Variants in PPP3R1 observed in about 807,000 individuals in gnomAD.
The protein encoded by PPP3R1 is protein phosphatase 3 regulatory subunit B, alpha, also known as calcineurin subunit B type 1.
A neutral mutation model predicts 22.6 loss-of-function variants in PPP3R1; 5 were observed. The ratio of observed to expected loss-of-function variants is 0.22; its 90% CI spans 0.12 to 0.46. The LOEUF (loss-of-function observed/expected upper bound fraction) is 0.46. PPP3R1 is among the 20% of genes least tolerant of loss of function. PPP3R1 has a pLI of 0.99. For synonymous variants in PPP3R1, 56 were observed against 65.2 expected (o/e 0.86, Z 0.68); for missense variants, 61 against 203.2 (o/e 0.30, Z 4.25).
At position 68,227,425 on chromosome 2, in the gene PPP3R1, C is replaced by A. The variant is rs147170775; in HGVS notation, c.4-10294G>T. ...GTAAAGTCACTGACCATCTTAGTAA[C>A]TGTTCTAGAACAGATTCTCCTTATT... is the stretch of plus-strand genomic sequence containing the variant. On this transcript the variant is annotated intron_variant, in intron 1 of 5. Coordinates refer to ENST00000234310, the MANE Select transcript of PPP3R1 (RefSeq NM_000945.4). Among the ~76,000 whole-genome samples, 8 of 152,030 alleles carry A rather than the reference C, an allele frequency of 5.3e-5. No individual in the cohort carries two copies. In the East Asian group the frequency reaches 1.6e-3, roughly 30 times the overall value.
In PPP3R1 at chr2:68,227,582, A is replaced by G. The variant is rs918649988; in HGVS notation, c.4-10451T>C. On this transcript the variant is annotated intron_variant, in intron 1 of 5. Transcript: ENST00000234310. ...GCTTCTTTAATGATTTTAGGAGGGA[A>G]AAAAAAAAAACCTTAAAATTTCTAG... 4.3e-4 allele frequency among the ~76,000 whole-genome samples: 61 copies of G among 142,098 alleles called. 1 individual carries two copies. The highest frequency in any genetic ancestry group is 1.7e-3 in the African/African-American group (57 of 33,698). 93.2% of individuals were successfully genotyped at this position (142,098 alleles called of 152,430 possible).
chr2:68,250,093 T>C (rs1317815059), intron 1 of PPP3R1, among the ~76,000 whole-genome samples: 2 of 151,836 alleles, frequency 1.3e-5, no homozygotes, highest in Admixed American at 6.6e-5. Context: ...AACCCTAAAG[T>C]TGGAAAGCCA....
At chr2:68,249,232 G>A (rs1200629986) in intron 1 of PPP3R1, among the ~76,000 whole-genome samples, 2 of 151,796 alleles carry the variant, frequency 1.3e-5, no homozygotes, top group African/African-American at 4.8e-5. Context: ...ATTCACTATG[G>A]GACAAAATGA....
At chr2:68,214,390 C>G (rs1669537593) in intron 2 of PPP3R1, among the ~76,000 whole-genome samples, 1 of 152,030 alleles carries the variant, frequency 6.6e-6, no homozygotes, top group Non-Finnish European at 1.5e-5. Flanking sequence ...ACGCATCTAT[C>G]AAAGGTCTAA....
At position 68,179,009 on chromosome 2, in the gene PPP3R1, A is replaced by AGAAAG. The variant is rs1553403007; in HGVS notation, c.*1953_*1954insCTTTC. ...CACACACAAACTAAAAAAAAAAAAA[A>AGAAAG]AAAAAAAGAAAAAGAAAAAACCCTC... On this transcript the variant is annotated 3_prime_UTR_variant, in exon 6 of 6. Coordinates refer to ENST00000234310, the MANE Select transcript of PPP3R1 (RefSeq NM_000945.4). 23 of 122,576 alleles carry AGAAAG rather than the reference A, an allele frequency of 1.9e-4. No homozygotes were observed. The highest frequency in any genetic ancestry group is 1.5e-4 in the Non-Finnish European group (9 of 61,322). The allele number at this position is 122,576 out of a possible 1,614,324, so 7.6% of individuals were successfully genotyped here.
intron 2 of PPP3R1, among the ~76,000 whole-genome samples, chr2:68,207,341 T>TA (rs1675150845): frequency 6.6e-6 from 1 of 152,126 alleles, no homozygotes. Flanking sequence ...TATAGATCTT[T>TA]AGTGACAAGG....
intron 2 of PPP3R1, among the ~76,000 whole-genome samples, chr2:68,214,395 G>C (rs961538701): frequency 6.6e-6 from 1 of 151,990 alleles, no homozygotes; most frequent in Admixed American, 6.6e-5. Flanking sequence ...TCTATCAAAG[G>C]TCTAACATCC....
chr2:68,188,461 G>A (rs1015865316), intron 3 of PPP3R1, 53 bp downstream of exon 3: 142 of 1,323,024 alleles, frequency 1.1e-4, no homozygotes, highest in Middle Eastern at 6.4e-4. Flanking sequence ...AGAGCTGTAA[G>A]AATACAAATA....
At position 68,180,311 on chromosome 2, in the gene PPP3R1, T is replaced by C. The variant is rs567658950; in HGVS notation, c.*652A>G. 6 of 152,682 alleles carry C rather than the reference T, an allele frequency of 3.9e-5. No individual in the cohort carries two copies. Among genetic ancestry groups the C allele is most frequent in the African/African-American group, 1.4e-4 (6 of 41,588 alleles). 9.5% of individuals were successfully genotyped at this position (152,682 alleles called of 1,614,324 possible). A position where few individuals can be genotyped will look rare whatever the true frequency, so the allele number is the denominator to read the frequency against. ...TTAAAAGCTGCTCAGCAATGAGAAGTAGTCCCTGGATATATTCATAAGTAT... is the reference window on the plus strand; with the variant it reads ...TTAAAAGCTGCTCAGCAATGAGAAGCAGTCCCTGGATATATTCATAAGTAT... On this transcript the variant is annotated 3_prime_UTR_variant, in exon 6 of 6. Coordinates refer to ENST00000234310, the MANE Select transcript of PPP3R1 (RefSeq NM_000945.4).
Position 68,252,444 on chromosome 2 carries a change from G to A in PPP3R1, c.-317C>T, listed in dbSNP as rs4519508. 0.4 allele frequency: 392,632 copies of A among 989,626 alleles called. 78,843 individuals are homozygous for A. The highest frequency in any genetic ancestry group is 0.63 in the South Asian group (13,344 of 21,348). The allele number at this position is 989,626 out of a possible 1,614,324, so 61.3% of individuals were successfully genotyped here. On this transcript the variant is annotated 5_prime_UTR_variant, in exon 1 of 6. Transcript: ENST00000234310. The stretch of plus-strand genomic sequence containing the variant: ...GGGGGAGAGGGGGCGAAGACGGCCG[G>A]GAAACTCGGGGGCTGCAGCCTCGCG...
chr2:68,237,916 ATT>A (rs927441977), intron 1 of PPP3R1, among the ~76,000 whole-genome samples: 28 of 152,332 alleles, frequency 1.8e-4, no homozygotes, highest in African/African-American at 6.7e-4. Flanking sequence ...CTGTTCATAA[ATT>A]TTGAGTTTCC....
chr2:68,205,178 C>T (rs1010484656), intron 2 of PPP3R1, among the ~76,000 whole-genome samples: 1 of 151,892 alleles, frequency 6.6e-6, no homozygotes, highest in African/African-American at 2.4e-5. Flanking sequence ...TTATCTATAT[C>T]CCACCCCAGT....
At chr2:68,183,426 C>T (rs1674463379) in intron 5 of PPP3R1, among the ~76,000 whole-genome samples, 1 of 152,146 alleles carries the variant, frequency 6.6e-6, no homozygotes, top group African/African-American at 2.4e-5. Flanking sequence ...ACAGTGTGCC[C>T]AGGTCCAGAT....
Position 68,240,268 on chromosome 2 carries a change from C to T in PPP3R1, c.3+11857G>A, listed in dbSNP as rs188158378. 1.7e-4 allele frequency among the ~76,000 whole-genome samples: 26 copies of T among 152,312 alleles called. No homozygotes were observed. The East Asian group carries it at 2.3e-3, about 14-fold the overall frequency. ...ACCAATTAAGCTCTGTACCTCACTTCTGTCTTATACTTCACTTCTATTTTC... is the reference window on the plus strand; with the variant it reads ...ACCAATTAAGCTCTGTACCTCACTTTTGTCTTATACTTCACTTCTATTTTC... On this transcript the variant is annotated intron_variant, in intron 1 of 5. Coordinates refer to ENST00000234310, the MANE Select transcript of PPP3R1 (RefSeq NM_000945.4).
intron 2 of PPP3R1, among the ~76,000 whole-genome samples, chr2:68,208,109 C>T (rs1028498490): frequency 9.9e-5 from 15 of 152,054 alleles, no homozygotes; most frequent in African/African-American, 3.1e-4. Flanking sequence ...GCCGAGACCA[C>T]GCCATTGCAC....
chr2:68,187,230 G>C (rs1267642456), intron 4 of PPP3R1, 25 bp downstream of exon 4: 4 of 1,553,898 alleles, frequency 2.6e-6, no homozygotes, highest in Non-Finnish European at 2.7e-6. Flanking sequence ...ATAAGAGAAT[G>C]AAGTCAGTGA....
chr2:68,182,960 T>C (rs942769601), intron 5 of PPP3R1, among the ~76,000 whole-genome samples: 7 of 152,292 alleles, frequency 4.6e-5, no homozygotes, highest in Admixed American at 4.6e-4. Context: ...AAGCACTCTT[T>C]GAGCCTTCCA....
intron 2 of PPP3R1, among the ~76,000 whole-genome samples, chr2:68,215,626 G>GT (rs1669565000): frequency 6.6e-6 from 1 of 152,172 alleles, no homozygotes; most frequent in Non-Finnish European, 1.5e-5. Context: ...ATATGTACCT[G>GT]TGAGTTTTAC....
chr2:68,193,056 TAGA>T (rs972918951), intron 2 of PPP3R1, among the ~76,000 whole-genome samples: 1 of 152,182 alleles, frequency 6.6e-6, no homozygotes, highest in Non-Finnish European at 1.5e-5. Flanking sequence ...CAAAGGCCCT[TAGA>T]AGGAGTAGTT....
Sources: gnomAD v4.1 joint callset for allele counts (sites outside exome capture counted in the v4.1 genomes callset) on GRCh38, gnomAD v4.1.1 for gene constraint, MANE v1.5 for transcripts, NCBI Gene and HGNC (gene_info 2026-07-23, HGNC 2026-07-21) for gene names.